Variants in ACKR3 observed in about 807,000 individuals in gnomAD.
ACKR3 encodes the protein atypical chemokine receptor 3.
Under a neutral mutation model 22.4 loss-of-function variants are expected in ACKR3, and 6 were observed. That is an observed-to-expected ratio of 0.27 (90% CI 0.15 to 0.53). The LOEUF (loss-of-function observed/expected upper bound fraction) is 0.53, where lower values mean the gene tolerates loss of function less well. Ranked by LOEUF, ACKR3 falls within the 20% of genes least tolerant of loss-of-function variation. The pLI is 0.96. For synonymous variants in ACKR3, 209 were observed against 205.2 expected, an observed-to-expected ratio of 1.02 and a Z score of -0.16; for missense variants, 396 against 475.2, an observed-to-expected ratio of 0.83 and a Z score of 1.55.
intron 1 of ACKR3, among the ~76,000 whole-genome samples, chr2:236,579,305 G>A (rs1282173908): frequency 6.6e-6 from 1 of 152,216 alleles, no homozygotes; most frequent in Non-Finnish European, 1.5e-5. Context: ...ACAGGTGAGG[G>A]GGAAGGGCAA....
At chr2:236,539,170 G>A in the ACKR3 span, among the ~76,000 whole-genome samples, 1 of 151,982 alleles carries the variant, frequency 6.6e-6, no homozygotes, top group Non-Finnish European at 1.5e-5. Context: ...ACGTCTGGAT[G>A]GGCCTTTGGG....
chr2:236,547,372 C>G, the ACKR3 span, among the ~76,000 whole-genome samples: 1 of 152,136 alleles, frequency 6.6e-6, no homozygotes, highest in Non-Finnish European at 1.5e-5. Flanking sequence ...AAATTTATCT[C>G]TAGGCTTATC....
the ACKR3 span, among the ~76,000 whole-genome samples, chr2:236,560,126 T>G: frequency 1.3e-5 from 2 of 152,344 alleles, no homozygotes; most frequent in South Asian, 4.1e-4. Flanking sequence ...AGCACTGACA[T>G]TAACAACATT....
the ACKR3 span, among the ~76,000 whole-genome samples, chr2:236,538,201 A>T: frequency 6.6e-6 from 1 of 152,204 alleles, no homozygotes; most frequent in South Asian, 2.1e-4. Context: ...AAACTTGCTA[A>T]AAACCTTGTG....
rs1265963987 is a variant in ACKR3, at chr2:236,581,291, A to G, written c.826A>G (p.Ile276Val). 6.2e-7 allele frequency: 1 copy of G among 1,614,044 alleles called. No homozygotes were observed. Among genetic ancestry groups the G allele is most frequent in the South Asian group, 1.1e-5 (1 of 91,080 alleles). ...CTACCACGTGGCGGTGCTGCTGGAC[A>G]TCTTCTCCATCCTGCACTACATCCC... Reference protein sequence around the residue: ...LPYHVAVLLDIFSILHYIPFT... With the variant: ...LPYHVAVLLDVFSILHYIPFT... The change falls in exon 2 of 2, where the codon ATC becomes GTC. Residue 276 changes from isoleucine to valine, a missense_variant. Transcript: ENST00000272928. This position sits in a 1 kb window ranked among gnomAD's most constrained non-coding sequence, Gnocchi z 4.4.
chr2:236,578,946 G>A (rs1559473238), intron 1 of ACKR3, among the ~76,000 whole-genome samples: 1 of 152,234 alleles, frequency 6.6e-6, no homozygotes, highest in African/African-American at 2.4e-5. Flanking sequence ...AGGGGGTGAC[G>A]TTTTATTGAG....
chr2:236,542,688 C>T, the ACKR3 span, among the ~76,000 whole-genome samples: 8 of 151,916 alleles, frequency 5.3e-5, no homozygotes, highest in African/African-American at 1.7e-4. Flanking sequence ...GAGACTGGGA[C>T]CCCCTCTCTT....
At chr2:236,565,028 G>A (rs1162169823), upstream of ACKR3, among the ~76,000 whole-genome samples, 1 of 152,182 alleles carries the variant, frequency 6.6e-6, no homozygotes, top group African/African-American at 2.4e-5. Context: ...AACTTCATCA[G>A]AGAGTTCAAA....
intron 1 of ACKR3, among the ~76,000 whole-genome samples, chr2:236,573,653 C>T (rs1266844216): frequency 6.6e-6 from 1 of 152,198 alleles, no homozygotes; most frequent in Non-Finnish European, 1.5e-5. Context: ...CCAGGCCTGG[C>T]CTGAGTTATC....
chr2:236,564,125 G>C (rs754624825), upstream of ACKR3, among the ~76,000 whole-genome samples: 2 of 151,198 alleles, frequency 1.3e-5, no homozygotes, highest in Non-Finnish European at 2.9e-5. Context: ...CCCCCTCTCG[G>C]GAAATGCCTC....
At chr2:236,579,841 T>G (rs1691483600) in intron 1 of ACKR3, among the ~76,000 whole-genome samples, 1 of 152,250 alleles carries the variant, frequency 6.6e-6, no homozygotes, top group Non-Finnish European at 1.5e-5. Flanking sequence ...GCTTTATGAC[T>G]GCACACTGGG....
chr2:236,580,530 A>G lies in ACKR3; in HGVS notation c.65A>G (p.Asn22Ser), dbSNP rs776292300. The G allele has an allele frequency of 2.5e-6, 4 of 1,614,236 alleles. No individual in the cohort carries two copies. In the South Asian group the frequency reaches 3.3e-5, roughly 13 times the overall value. ...GNFSDISWPC[N>S]SSDCIVVDTV... The stretch of plus-strand genomic sequence containing the variant: ...TTCTCGGACATCAGCTGGCCATGCA[A>G]CAGCAGCGACTGCATCGTGGTGGAC... The change falls in exon 2 of 2, where the codon AAC becomes AGC. Residue 22 changes from asparagine to serine, a missense_variant. By Grantham distance (46) the Asn-to-Ser change is conservative (BLOSUM62 1). Coordinates refer to ENST00000272928, the MANE Select transcript of ACKR3 (RefSeq NM_020311.3).
Position 236,581,054 on chromosome 2 carries a change from C to T in ACKR3, c.589C>T (p.Arg197Trp), listed in dbSNP as rs373361668. The T allele has an allele frequency of 3.6e-5, 58 of 1,614,170 alleles. No homozygotes were observed. Among genetic ancestry groups the T allele is most frequent in the Non-Finnish European group, 4.6e-5 (54 of 1,180,042 alleles). ...TSASNNETYCRSFYPEHSIKE... is the reference protein window; with the variant it reads ...TSASNNETYCWSFYPEHSIKE... ...TGCGTCCAACAATGAGACCTACTGC[C>T]GGTCCTTCTACCCCGAGCACAGCAT... Residue 197 changes from arginine to tryptophan, a missense_variant, in exon 2 of 2, where the codon CGG becomes TGG. Coordinates refer to ENST00000272928, the MANE Select transcript of ACKR3 (RefSeq NM_020311.3). The surrounding 1 kb of genome is among the most constrained non-coding windows in gnomAD (Gnocchi z 4.4).
chr2:236,575,614 TGTGTGTGTCTGGGGTTGTGCTGTGTGTGC>T (rs1559472325), intron 1 of ACKR3, among the ~76,000 whole-genome samples: 9 of 120,546 alleles, frequency 7.5e-5, no homozygotes, highest in African/African-American at 3.5e-4. Context: ...GCTCTGTGTG[TGTGTGTGTCTGGGGTTGTGCTGTGTGTGC>T]GTGTCTGGGG....
chr2:236,545,502 A>T, the ACKR3 span, among the ~76,000 whole-genome samples: 1 of 152,244 alleles, frequency 6.6e-6, no homozygotes, highest in Non-Finnish European at 1.5e-5. The surrounding 1 kb of genome is among the most constrained non-coding windows in gnomAD (Gnocchi z 5.3). Context: ...TCTGGGAGCC[A>T]GAGTGCCACA....
At chr2:236,575,429 TCTGGGGTTGTGCTGTGTGTGC>T (rs1691389435) in intron 1 of ACKR3, among the ~76,000 whole-genome samples, 1 of 143,606 alleles carries the variant, frequency 7.0e-6, no homozygotes. Context: ...TGTGTGTGTG[TCTGGGGTTGTGCTGTGTGTGC>T]GTGTGTCTGG....
At chr2:236,561,988 T>A in the ACKR3 span, among the ~76,000 whole-genome samples, 1 of 152,250 alleles carries the variant, frequency 6.6e-6, no homozygotes, top group Non-Finnish European at 1.5e-5. Context: ...GTGCATTAGC[T>A]AGAGATTCTA....
chr2:236,557,981 G>T, the ACKR3 span, among the ~76,000 whole-genome samples: 1 of 152,186 alleles, frequency 6.6e-6, no homozygotes, highest in African/African-American at 2.4e-5. Flanking sequence ...AAAGTCAAGG[G>T]AAGACTGAGA....
At chr2:236,558,091 T>C in the ACKR3 span, among the ~76,000 whole-genome samples, 1 of 152,166 alleles carries the variant, frequency 6.6e-6, no homozygotes, top group Non-Finnish European at 1.5e-5. Flanking sequence ...GGGATAGTTG[T>C]GATGCAGGGC....
Sources: allele counts gnomAD v4.1 joint callset (sites outside exome capture counted in the v4.1 genomes callset), GRCh38; gene constraint gnomAD v4.1.1; non-coding constraint Gnocchi (gnomAD v3.1); transcripts MANE v1.5; gene names NCBI Gene and HGNC (gene_info 2026-07-23, HGNC 2026-07-21).